Variants in PTPRD observed in about 807,000 individuals in gnomAD.
PTPRD encodes the protein protein tyrosine phosphatase receptor type D.
A neutral mutation model predicts 214.5 loss-of-function variants in PTPRD; 34 were observed. The observed-to-expected ratio is 0.16, with a 90% CI of 0.12 to 0.21. PTPRD has a LOEUF of 0.21. PTPRD is among the 10% of genes least tolerant of loss of function. The pLI is 1.00. For missense variants in PTPRD, 2,545 were observed against 2,398.7 expected (o/e 1.06, Z -1.27); for synonymous variants, 1,128 against 845.7 (o/e 1.33, Z -5.79).
At position 8,733,898 on chromosome 9, in the gene PTPRD, C is replaced by T. The variant is rs986014472; in HGVS notation, c.-55G>A. ...AGCTTGGAATCACTGCCTCCGGAGC[C>T]GCAGCGAGTCTGTCCGATCTGAAAT... On this transcript the variant is annotated 5_prime_UTR_variant, in exon 12 of 46. Transcript: ENST00000381196. 3 of 1,514,668 alleles carry T rather than the reference C, an allele frequency of 2.0e-6. No homozygotes were observed. Among genetic ancestry groups the T allele is most frequent in the Admixed American group, 2.0e-5 (1 of 50,930 alleles). 93.8% of individuals were successfully genotyped at this position (1,514,668 alleles called of 1,614,324 possible). A position where few individuals can be genotyped will look rare whatever the true frequency, so the allele number is the denominator to read the frequency against.
rs767849594 is a variant in PTPRD, at chr9:8,517,874, T to C, written c.1517A>G (p.Asp506Gly). ...TCCTGTCTGAGTGATGACTTGTATG[T>C]CACTTGAAAGGGGACCATCTCCAAT... The part of the protein sequence containing the change: ...TSIGDGPLSS[D>G]IQVITQTGVP... The change falls in exon 21 of 46, where the codon GAC becomes GGC. Residue 506 changes from aspartate to glycine, a missense_variant. By Grantham distance (94) the Asp-to-Gly change is moderately conservative (BLOSUM62 -1). Coordinates refer to ENST00000381196, the MANE Select transcript of PTPRD (RefSeq NM_002839.4). The C allele has an allele frequency of 1.2e-6, 2 of 1,613,954 alleles. No homozygotes were observed. The highest frequency in any genetic ancestry group is 1.7e-6 in the Non-Finnish European group (2 of 1,179,880).
intron 6 of PTPRD, among the ~76,000 whole-genome samples, chr9:9,749,914 G>C (rs563167964): frequency 6.6e-6 from 1 of 152,218 alleles, no homozygotes; most frequent in Non-Finnish European, 1.5e-5. Flanking sequence ...ATAACCAGCA[G>C]TATTTTTTCA....
chr9:9,574,986 G>C (rs912591673), intron 7 of PTPRD, among the ~76,000 whole-genome samples: 2 of 152,034 alleles, frequency 1.3e-5, no homozygotes, highest in African/African-American at 2.4e-5. Flanking sequence ...ATTGTGATTT[G>C]GGCTCTTTAA....
chr9:8,580,372 A>C (rs2092942188), intron 14 of PTPRD, among the ~76,000 whole-genome samples: 1 of 152,340 alleles, frequency 6.6e-6, no homozygotes, highest in East Asian at 1.9e-4. Context: ...AATAGACCTA[A>C]AAAGTGGAGT....
intron 3 of PTPRD, among the ~76,000 whole-genome samples, chr9:10,231,644 C>T (rs2099610294): frequency 6.6e-6 from 1 of 151,898 alleles, no homozygotes; most frequent in South Asian, 2.1e-4. Flanking sequence ...ATTTGCCTGG[C>T]AAATAGTAAG....
chr9:8,480,973 AC>A (rs1259082032), intron 30 of PTPRD, among the ~76,000 whole-genome samples: 2 of 151,972 alleles, frequency 1.3e-5, no homozygotes, highest in African/African-American at 4.8e-5. Context: ...TCCCATTTCT[AC>A]TAAAAATACA....
At chr9:8,340,667 T>TGTTA (rs1474083066) in intron 41 of PTPRD, among the ~76,000 whole-genome samples, 198 bp from the exon 42 acceptor site, 1 of 152,338 alleles carries the variant, frequency 6.6e-6, no homozygotes, top group East Asian at 1.9e-4. Context: ...CTAAATTGCT[T>TGTTA]GTTAATATTA....
At chr9:9,762,600 TA>T (rs1264804498) in intron 6 of PTPRD, among the ~76,000 whole-genome samples, 1 of 152,218 alleles carries the variant, frequency 6.6e-6, no homozygotes, top group East Asian at 1.9e-4. Flanking sequence ...CACAAAACAC[TA>T]GAACACTATT....
chr9:8,704,906 G>A (rs544684463), intron 12 of PTPRD, among the ~76,000 whole-genome samples: 11 of 151,940 alleles, frequency 7.2e-5, no homozygotes, highest in Non-Finnish European at 1.5e-4. Flanking sequence ...CCGGGCGATA[G>A]AGCAAGACTC....
Position 8,564,679 on chromosome 9 carries a change from G to A in PTPRD, c.353-35900C>T, listed in dbSNP as rs113351399. Among the ~76,000 whole-genome samples, 44 of 152,186 alleles carry A rather than the reference G, an allele frequency of 2.9e-4. 1 individual carries two copies. Among genetic ancestry groups the A allele is most frequent in the South Asian group, 2.5e-3 (12 of 4,824 alleles). On this transcript the variant is annotated intron_variant, in intron 14 of 45. Coordinates refer to ENST00000381196, the MANE Select transcript of PTPRD (RefSeq NM_002839.4). ...CGTGCCACTGTACTCCAGCCTGGGC[G>A]ACAGAATGAAGACTCTGTCTCAAAA...
Position 9,877,708 on chromosome 9 carries a change from C to T in PTPRD, c.-368+60799G>A, listed in dbSNP as rs142496490. Among the ~76,000 whole-genome samples, 547 of 152,188 alleles carry T rather than the reference C, an allele frequency of 3.6e-3. 3 individuals carry two copies. Among genetic ancestry groups the T allele is most frequent in the African/African-American group, 0.012 (510 of 41,536 alleles). On this transcript the variant is annotated intron_variant, in intron 5 of 45. Transcript: ENST00000381196. ...AGAAATGCTGGGCCAGGCACAGTGG[C>T]TCACGCCTGTAATCCCAGCACTTTG... is the stretch of plus-strand genomic sequence containing the variant.
chr9:9,954,297 C>CCAAAAA lies in PTPRD; in HGVS notation c.-471-15688_-471-15687insTTTTTG, dbSNP rs1555388978. ...GACAGATTGAGACTCTGTCTCAAAA[C>CCAAAAA]AAAAAAAAAAAAAAAAAAAAAAAAA... On this transcript the variant is annotated intron_variant, in intron 4 of 45. Coordinates refer to ENST00000381196, the MANE Select transcript of PTPRD (RefSeq NM_002839.4). Among the ~76,000 whole-genome samples, 27 of 53,776 alleles carry CCAAAAA rather than the reference C, an allele frequency of 5.0e-4. 1 individual carries two copies. The highest frequency in any genetic ancestry group is 1.3e-3 in the African/African-American group (25 of 19,464). The allele number at this position is 53,776 out of a possible 152,430, so 35.3% of individuals were successfully genotyped here. A position where few individuals can be genotyped will look rare whatever the true frequency, so the allele number is the denominator to read the frequency against.
chr9:9,469,199 T>C (rs1231302942), intron 8 of PTPRD, among the ~76,000 whole-genome samples: 1 of 152,122 alleles, frequency 6.6e-6, no homozygotes, highest in Non-Finnish European at 1.5e-5. Flanking sequence ...CTAATGGATA[T>C]ATGTTAAATA....
At chr9:8,640,914 A>G (rs1595877294) in intron 12 of PTPRD, among the ~76,000 whole-genome samples, 1 of 149,220 alleles carries the variant, frequency 6.7e-6, no homozygotes, top group African/African-American at 2.6e-5. Context: ...TTGCTGGTCA[A>G]ACTCTCAGAT....
At chr9:10,172,232 A>G (rs2099213084) in intron 3 of PTPRD, among the ~76,000 whole-genome samples, 1 of 152,146 alleles carries the variant, frequency 6.6e-6, no homozygotes, top group African/African-American at 2.4e-5. Flanking sequence ...GCCAGTGCTA[A>G]AATCTCACCT....
chr9:9,575,703 G>C (rs1360312923), intron 7 of PTPRD, among the ~76,000 whole-genome samples: 3 of 80,320 alleles, frequency 3.7e-5, no homozygotes, highest in Non-Finnish European at 6.6e-5. Flanking sequence ...CTGGGTGACA[G>C]AGCAAGACTG....
chr9:9,131,146 T>G (rs1451476029), intron 10 of PTPRD, among the ~76,000 whole-genome samples: 1 of 152,124 alleles, frequency 6.6e-6, no homozygotes, highest in Non-Finnish European at 1.5e-5. Context: ...AAATGATACT[T>G]AGGGCAAACT....
intron 7 of PTPRD, among the ~76,000 whole-genome samples, chr9:9,711,635 T>C (rs1419009542): frequency 1.3e-5 from 2 of 152,160 alleles, no homozygotes; most frequent in Non-Finnish European, 2.9e-5. Flanking sequence ...GTAAACTTAC[T>C]CTCCAAATGG....
At chr9:8,537,631 T>C (rs1379358888) in intron 14 of PTPRD, among the ~76,000 whole-genome samples, 1 of 151,974 alleles carries the variant, frequency 6.6e-6, no homozygotes, top group African/African-American at 2.4e-5. Context: ...AAATTGGACA[T>C]TGTTAAGCTA....
Sources: allele counts gnomAD v4.1 joint callset (sites outside exome capture counted in the v4.1 genomes callset), GRCh38; gene constraint gnomAD v4.1.1; transcripts MANE v1.5; gene names NCBI Gene and HGNC (gene_info 2026-07-23, HGNC 2026-07-21).